Variants in LYPLAL1 observed in about 807,000 individuals in gnomAD.
LYPLAL1 encodes the protein lysophospholipase like 1, also known as lysophospholipase-like protein 1.
A neutral mutation model predicts 19.7 loss-of-function variants in LYPLAL1; 23 were observed. That is an observed-to-expected ratio of 1.17 (90% CI 0.84 to 1.65). LYPLAL1 has a LOEUF of 1.65. LYPLAL1 is among the 40% of genes most tolerant of loss of function. LYPLAL1 has a pLI of 0.00. For missense variants in LYPLAL1, 355 were observed against 279.4 expected, an observed-to-expected ratio of 1.27 and a Z score of -1.93; for synonymous variants, 119 against 96.3, an observed-to-expected ratio of 1.24 and a Z score of -1.38.
chr1:219,230,968 C>T, the LYPLAL1 span, among the ~76,000 whole-genome samples: 1 of 152,166 alleles, frequency 6.6e-6, no homozygotes, highest in African/African-American at 2.4e-5. Flanking sequence ...ATTCAGAAGT[C>T]ATTTTTAGAG....
the LYPLAL1 span, among the ~76,000 whole-genome samples, chr1:219,302,601 C>T: frequency 6.6e-6 from 1 of 152,056 alleles, no homozygotes; most frequent in Non-Finnish European, 1.5e-5. Context: ...ATGGAATAAA[C>T]ATAATATTTT....
At chr1:219,305,702 A>G in the LYPLAL1 span, among the ~76,000 whole-genome samples, 1 of 152,208 alleles carries the variant, frequency 6.6e-6, no homozygotes, top group South Asian at 2.1e-4. Flanking sequence ...TTTGTTGACC[A>G]CTTACTCTGT....
intron 3 of LYPLAL1, among the ~76,000 whole-genome samples, chr1:219,203,075 A>C (rs1294244327): frequency 3.2e-5 from 3 of 93,338 alleles, no homozygotes; most frequent in Non-Finnish European, 7.2e-5. Context: ...ATAGGTTCAA[A>C]AGTTGTTAAC....
At chr1:219,194,436 C>T (rs557856583) in intron 3 of LYPLAL1, among the ~76,000 whole-genome samples, 29 of 152,062 alleles carry the variant, frequency 1.9e-4, no homozygotes, top group Admixed American at 1.6e-3. Context: ...CTATGTGCTA[C>T]GCATTATTAT....
the LYPLAL1 span, among the ~76,000 whole-genome samples, chr1:219,255,512 G>C: frequency 6.6e-6 from 1 of 151,670 alleles, no homozygotes; most frequent in South Asian, 2.1e-4. Flanking sequence ...AAATCATTTG[G>C]GTTTTCTATG....
chr1:219,344,458 C>T, the LYPLAL1 span, among the ~76,000 whole-genome samples: 1 of 152,132 alleles, frequency 6.6e-6, no homozygotes, highest in African/African-American at 2.4e-5. Context: ...CAGGATTTAT[C>T]CTTTTATACT....
the LYPLAL1 span, among the ~76,000 whole-genome samples, chr1:219,219,345 C>A: frequency 6.6e-6 from 1 of 152,154 alleles, no homozygotes; most frequent in African/African-American, 2.4e-5. Context: ...CACCTGAAGT[C>A]TACAAGAGTG....
intron 3 of LYPLAL1, among the ~76,000 whole-genome samples, chr1:219,201,724 G>A (rs1466988166): frequency 6.6e-6 from 1 of 152,096 alleles, no homozygotes; most frequent in Non-Finnish European, 1.5e-5. Flanking sequence ...TTTGTTAACT[G>A]TATAGTTCTT....
At chr1:219,351,510 G>A in the LYPLAL1 span, among the ~76,000 whole-genome samples, 1 of 152,056 alleles carries the variant, frequency 6.6e-6, no homozygotes, top group African/African-American at 2.4e-5. Context: ...TGTCATGAAT[G>A]CCACTGGCTT....
At chr1:219,277,447 G>A in the LYPLAL1 span, among the ~76,000 whole-genome samples, 1 of 151,982 alleles carries the variant, frequency 6.6e-6, no homozygotes. Flanking sequence ...AGACACTGTG[G>A]GTTTAGAACT....
the LYPLAL1 span, among the ~76,000 whole-genome samples, chr1:219,319,716 A>G: frequency 1.3e-5 from 2 of 152,292 alleles, no homozygotes; most frequent in South Asian, 4.1e-4. Flanking sequence ...AGGACTGTTC[A>G]ACTCTTTGTT....
chr1:219,225,973 T>G, the LYPLAL1 span, among the ~76,000 whole-genome samples: 1 of 152,158 alleles, frequency 6.6e-6, no homozygotes, highest in Non-Finnish European at 1.5e-5. Context: ...GCTCTTTCCT[T>G]CTCCCTCAAT....
the LYPLAL1 span, among the ~76,000 whole-genome samples, chr1:219,228,823 G>A: frequency 6.6e-6 from 1 of 151,854 alleles, no homozygotes; most frequent in African/African-American, 2.4e-5. Flanking sequence ...GGGATTACAG[G>A]CATGCACCAC....
At chr1:219,235,123 T>C in the LYPLAL1 span, among the ~76,000 whole-genome samples, 1 of 152,174 alleles carries the variant, frequency 6.6e-6, no homozygotes, top group South Asian at 2.1e-4. Flanking sequence ...AAATTGTAGA[T>C]TGATTTAATT....
chr1:219,419,967 C>A, the LYPLAL1 span, among the ~76,000 whole-genome samples: 1 of 152,196 alleles, frequency 6.6e-6, no homozygotes, highest in Non-Finnish European at 1.5e-5. Context: ...AAGCTGGTGC[C>A]AAAACCACAG....
chr1:219,426,149 T>C, the LYPLAL1 span, among the ~76,000 whole-genome samples: 1 of 152,180 alleles, frequency 6.6e-6, no homozygotes, highest in African/African-American at 2.4e-5. Context: ...CATGGGTAAT[T>C]TGGGCTTGTT....
the LYPLAL1 span, among the ~76,000 whole-genome samples, chr1:219,346,682 G>A: frequency 2.6e-5 from 4 of 152,122 alleles, no homozygotes; most frequent in African/African-American, 4.8e-5. Context: ...GTTTGGGGGA[G>A]AATCAGAGCT....
intron 2 of LYPLAL1, among the ~76,000 whole-genome samples, chr1:219,181,208 T>G (rs1656245599): frequency 6.6e-6 from 1 of 152,204 alleles, no homozygotes; most frequent in Admixed American, 6.5e-5. Context: ...AATTGGCATG[T>G]TTTACATGTA....
At chr1:219,436,223 G>T in the LYPLAL1 span, among the ~76,000 whole-genome samples, 1 of 152,286 alleles carries the variant, frequency 6.6e-6, no homozygotes, top group Admixed American at 6.5e-5. Context: ...TGGCCACTTG[G>T]ACATAAAAGT....
Sources: gnomAD v4.1 joint callset for allele counts (sites outside exome capture counted in the v4.1 genomes callset) on GRCh38, gnomAD v4.1.1 for gene constraint, MANE v1.5 for transcripts, NCBI Gene and HGNC (gene_info 2026-07-23, HGNC 2026-07-21) for gene names.